Variants in PPFIBP1 observed in about 807,000 individuals in gnomAD.
The protein encoded by PPFIBP1 is PPFIB scaffold protein 1.
PPFIBP1 carries 112 observed loss-of-function variants against 137.8 expected under a neutral mutation model. That is an observed-to-expected ratio of 0.81 (90% confidence interval 0.70 to 0.95). The LOEUF (loss-of-function observed/expected upper bound fraction) is 0.95. Ranked by LOEUF, PPFIBP1 falls within the 40% of genes least tolerant of loss-of-function variation. The pLI, the probability that PPFIBP1 is intolerant of heterozygous loss-of-function variation, is 0.00. For synonymous variants in PPFIBP1, 378 were observed against 417.3 expected (o/e 0.91, Z 1.15); for missense variants, 1,083 against 1,196.6 (o/e 0.91, Z 1.40).
chr12:27,652,366 AG>A (rs1301797781), intron 7 of PPFIBP1, among the ~76,000 whole-genome samples: 2 of 152,314 alleles, frequency 1.3e-5, no homozygotes, highest in East Asian at 3.9e-4. Flanking sequence ...TTGTGGTAAG[AG>A]CATACATGTC....
intron 2 of PPFIBP1, among the ~76,000 whole-genome samples, chr12:27,607,035 C>T (rs965434158): frequency 2.6e-5 from 4 of 152,208 alleles, no homozygotes; most frequent in Admixed American, 2.0e-4. Context: ...CTAGAATCTG[C>T]ACTCTCAGCA....
intron 19 of PPFIBP1, 63 bp downstream of exon 19, chr12:27,677,159 T>A: frequency 6.3e-7 from 1 of 1,586,114 alleles, no homozygotes; most frequent in South Asian, 1.1e-5. Flanking sequence ...TAATCCCTGC[T>A]CTTGGCATCT....
At chr12:27,623,974 C>T (rs1405997402) in intron 2 of PPFIBP1, among the ~76,000 whole-genome samples, 1 of 152,138 alleles carries the variant, frequency 6.6e-6, no homozygotes, top group Non-Finnish European at 1.5e-5. Flanking sequence ...ATCCAGGAGA[C>T]AATCACTGTA....
chr12:27,588,002 AT>A lies in PPFIBP1; in HGVS notation c.-36+9767del, dbSNP rs202044524. On this transcript the variant is annotated intron_variant, in intron 2 of 29. Coordinates refer to ENST00000228425, the MANE Select transcript of PPFIBP1 (RefSeq NM_003622.4). ...CTCCCTGTCTTTTTTGTGTTTCCTT[AT>A]TTTGTGTTTCATGATGTTAACATGT... Among the ~76,000 whole-genome samples the A allele has an allele frequency of 7.7e-3, 1,173 of 151,910 alleles. 6 individuals are homozygous for A. The highest frequency in any genetic ancestry group is 0.021 in the Middle Eastern group (6 of 292).
intron 1 of PPFIBP1, among the ~76,000 whole-genome samples, chr12:27,561,769 C>CT (rs1189762067): frequency 8.5e-5 from 13 of 152,142 alleles, no homozygotes; most frequent in Admixed American, 7.9e-4. Context: ...GCTTGGGATG[C>CT]TTTCCCCCAG....
intron 1 of PPFIBP1, among the ~76,000 whole-genome samples, chr12:27,563,277 TAA>T (rs869044515): frequency 3.2e-4 from 7 of 22,174 alleles, no homozygotes; most frequent in Non-Finnish European, 4.3e-4. Context: ...CCATCTCTAC[TAA>T]AAAAAAAAAA....
intron 8 of PPFIBP1, among the ~76,000 whole-genome samples, chr12:27,655,824 C>T (rs1032864636): frequency 1.3e-4 from 20 of 152,164 alleles, no homozygotes; most frequent in African/African-American, 4.3e-4. Context: ...ATTCTGAAAG[C>T]AAAATGTGAT....
At chr12:27,692,447 G>A (rs1019211690) in intron 28 of PPFIBP1, 144 bp from the exon 29 acceptor site, 21 of 725,388 alleles carry the variant, frequency 2.9e-5, no homozygotes, top group Non-Finnish European at 4.7e-5. Context: ...AGTGGTGAAA[G>A]GAGATTATCA....
At chr12:27,591,965 C>T (rs1289916424) in intron 2 of PPFIBP1, among the ~76,000 whole-genome samples, 9 of 152,218 alleles carry the variant, frequency 5.9e-5, no homozygotes, top group African/African-American at 1.2e-4. Context: ...TGATGGGTCA[C>T]GCTGCTACCT....
chr12:27,674,974 G>A (rs971143228), intron 17 of PPFIBP1, among the ~76,000 whole-genome samples: 5 of 86,528 alleles, frequency 5.8e-5, no homozygotes, highest in East Asian at 3.5e-4. Flanking sequence ...CACCATACTC[G>A]GCTGTTTTTT....
At chr12:27,671,607 G>A (rs2060204560) in intron 14 of PPFIBP1, 61 bp downstream of exon 14, 1 of 1,074,552 alleles carries the variant, frequency 9.3e-7, no homozygotes, top group Admixed American at 2.6e-5. Flanking sequence ...CCAAAGACAA[G>A]GATGTATTGC....
chr12:27,612,132 C>T (rs1239327147), intron 2 of PPFIBP1, among the ~76,000 whole-genome samples: 2 of 152,128 alleles, frequency 1.3e-5, no homozygotes. Flanking sequence ...TTGCAGCTGA[C>T]TTTCTATCAG....
intron 27 of PPFIBP1, among the ~76,000 whole-genome samples, chr12:27,690,681 A>G (rs1371551690): frequency 6.6e-6 from 1 of 152,268 alleles, no homozygotes; most frequent in Non-Finnish European, 1.5e-5. Context: ...CAGACAGCCC[A>G]TAACTTGGGT....
intron 1 of PPFIBP1, among the ~76,000 whole-genome samples, chr12:27,528,396 G>T (rs980995555): frequency 1.3e-5 from 2 of 152,152 alleles, no homozygotes; most frequent in Non-Finnish European, 2.9e-5. Flanking sequence ...TGCATCAGTA[G>T]TGTGTTATGT....
intron 2 of PPFIBP1, among the ~76,000 whole-genome samples, chr12:27,619,757 A>G (rs1424305127): frequency 1.2e-4 from 18 of 152,342 alleles, no homozygotes; most frequent in East Asian, 1.9e-4. Flanking sequence ...GGTATGTTAC[A>G]TAGGTGTATG....
At position 27,668,733 on chromosome 12, in the gene PPFIBP1, T is replaced by G. The variant is rs562067958; in HGVS notation, c.1146+1413T>G. On this transcript the variant is annotated intron_variant, in intron 13 of 29. Coordinates refer to ENST00000228425, the MANE Select transcript of PPFIBP1 (RefSeq NM_003622.4). ...CCATAAGCCTATCTCTAGCTAAGTT[T>G]CCCTGTAAGGCTGCAGTGGGACATC... 2.2e-4 allele frequency among the ~76,000 whole-genome samples: 34 copies of G among 152,370 alleles called. No individual in the cohort carries two copies. In the South Asian group the frequency reaches 6.8e-3, roughly 31 times the overall value.
intron 3 of PPFIBP1, among the ~76,000 whole-genome samples, chr12:27,634,245 G>C (rs2057489963): frequency 6.7e-6 from 1 of 148,754 alleles, no homozygotes; most frequent in African/African-American, 2.5e-5. Context: ...AACATGCATA[G>C]TGCAGCCTTG....
chr12:27,676,052 C>T (rs1565993819), intron 17 of PPFIBP1, among the ~76,000 whole-genome samples: 1 of 152,126 alleles, frequency 6.6e-6, no homozygotes, highest in Non-Finnish European at 1.5e-5. Context: ...AAATCCGTGA[C>T]ATAATTGTTA....
intron 1 of PPFIBP1, among the ~76,000 whole-genome samples, chr12:27,535,805 A>G (rs2135902045): frequency 6.6e-6 from 1 of 152,366 alleles, no homozygotes. Flanking sequence ...AACACTGCAC[A>G]AAACTAAACT....
Sources: gnomAD v4.1 joint callset for allele counts (sites outside exome capture counted in the v4.1 genomes callset) on GRCh38, gnomAD v4.1.1 for gene constraint, MANE v1.5 for transcripts, NCBI Gene and HGNC (gene_info 2026-07-23, HGNC 2026-07-21) for gene names.